Variants in SHROOM3 observed in about 807,000 individuals in gnomAD.
The protein encoded by SHROOM3 is shroom family member 3.
A neutral mutation model predicts 138.6 loss-of-function variants in SHROOM3; 47 were observed. The observed-to-expected ratio is 0.34, with a 90% confidence interval of 0.27 to 0.43. The LOEUF is 0.43. Ranked by LOEUF, SHROOM3 falls within the 20% of genes least tolerant of loss-of-function variation. The pLI, the probability that SHROOM3 is intolerant of heterozygous loss-of-function variation, is 1.00. For synonymous variants in SHROOM3, 1,062 were observed against 1,063.3 expected (o/e 1.00, Z 0.02); for missense variants, 2,491 against 2,596.5 (o/e 0.96, Z 0.88).
chr4:76,528,868 C>T (rs992039455), intron 1 of SHROOM3, among the ~76,000 whole-genome samples: 5 of 152,102 alleles, frequency 3.3e-5, no homozygotes, highest in Non-Finnish European at 7.4e-5. Flanking sequence ...TCTCCCTATT[C>T]TTCCAATCTT....
At chr4:76,472,614 T>A (rs1731397383) in intron 1 of SHROOM3, among the ~76,000 whole-genome samples, 1 of 152,174 alleles carries the variant, frequency 6.6e-6, no homozygotes, top group East Asian at 1.9e-4. Context: ...TGTCTTTAAT[T>A]GTGGTATGTG....
chr4:76,650,733 T>C (rs1735937957), intron 2 of SHROOM3, among the ~76,000 whole-genome samples: 1 of 151,836 alleles, frequency 6.6e-6, no homozygotes, highest in East Asian at 1.9e-4. Flanking sequence ...TTAGTAGAGA[T>C]GGGGTTTCAG....
intron 1 of SHROOM3, among the ~76,000 whole-genome samples, chr4:76,545,281 G>A (rs112000502): frequency 3.3e-5 from 5 of 152,264 alleles, no homozygotes; most frequent in Admixed American, 1.3e-4. Flanking sequence ...GGCACTGAGC[G>A]GAGTTGAGTG....
At chr4:76,531,907 C>CTTT (rs11310701) in intron 1 of SHROOM3, among the ~76,000 whole-genome samples, 14 of 143,732 alleles carry the variant, frequency 9.7e-5, no homozygotes, top group East Asian at 6.1e-4. Flanking sequence ...CCAAGTTGCT[C>CTTT]TTTTTTTTTT....
At chr4:76,724,256 A>G (rs1049097172) in intron 3 of SHROOM3, among the ~76,000 whole-genome samples, 8 of 152,230 alleles carry the variant, frequency 5.3e-5, no homozygotes, top group Admixed American at 4.6e-4. Flanking sequence ...AAATTAAACC[A>G]TCTTCTGACT....
In SHROOM3 at chr4:76,693,370, G is replaced by GTTTTTTTTTTTTTTTTTTT. The variant is rs10648549; in HGVS notation, c.324-16781_324-16763dup. On this transcript the variant is annotated intron_variant, in intron 2 of 10. Coordinates refer to ENST00000296043, the MANE Select transcript of SHROOM3 (RefSeq NM_020859.4). ...TGCATACCTTCATTTTGATAAGTTT[G>GTTTTTTTTTTTTTTTTTTT]TTTTTTTTTTTTTTTTTTTTTTTAA... is the stretch of plus-strand genomic sequence containing the variant. Among the ~76,000 whole-genome samples, 35 of 79,834 alleles carry GTTTTTTTTTTTTTTTTTTT rather than the reference G, an allele frequency of 4.4e-4. 5 individuals are homozygous for GTTTTTTTTTTTTTTTTTTT. Among genetic ancestry groups the GTTTTTTTTTTTTTTTTTTT allele is most frequent in the African/African-American group, 1.6e-3 (32 of 19,566 alleles). The allele number at this position is 79,834 out of a possible 152,430, so 52.4% of individuals were successfully genotyped here.
intron 1 of SHROOM3, among the ~76,000 whole-genome samples, chr4:76,514,406 G>T (rs1732402328): frequency 1.3e-5 from 2 of 151,954 alleles, no homozygotes; most frequent in African/African-American, 2.4e-5. Context: ...GCCACATATT[G>T]CATGATTCCA....
rs552598360 is a variant in SHROOM3 at position 76,462,518 on chromosome 4, C to T, written c.168+26298C>T. ...TGGATTTGTGTCCCCACCCAAATCTCATGTTGAAGTGTAATCCCCAATATT... is the reference window on the plus strand; with the variant it reads ...TGGATTTGTGTCCCCACCCAAATCTTATGTTGAAGTGTAATCCCCAATATT... On this transcript the variant is annotated intron_variant, in intron 1 of 10. Coordinates refer to ENST00000296043, the MANE Select transcript of SHROOM3 (RefSeq NM_020859.4). Among the ~76,000 whole-genome samples, 8 of 152,280 alleles carry T rather than the reference C, an allele frequency of 5.3e-5. No homozygotes were observed. In the South Asian group the frequency reaches 1.7e-3, roughly 32 times the overall value.
intron 2 of SHROOM3, among the ~76,000 whole-genome samples, chr4:76,649,237 G>A (rs1305190180): frequency 1.3e-5 from 2 of 151,966 alleles, no homozygotes; most frequent in African/African-American, 2.4e-5. Context: ...ACCTTTTCCT[G>A]GCCAATTAAA....
At chr4:76,658,704 C>T (rs1038123836) in intron 2 of SHROOM3, among the ~76,000 whole-genome samples, 2 of 151,980 alleles carry the variant, frequency 1.3e-5, no homozygotes, top group Non-Finnish European at 2.9e-5. Context: ...GTGCACATGC[C>T]CGCATGTGTG....
At chr4:76,705,476 G>A (rs1720024420) in intron 2 of SHROOM3, among the ~76,000 whole-genome samples, 1 of 152,178 alleles carries the variant, frequency 6.6e-6, no homozygotes, top group South Asian at 2.1e-4. Context: ...CAGCCTGGGT[G>A]ACAGAGCAAG....
At chr4:76,737,786 C>T (rs1021804252) in intron 4 of SHROOM3, among the ~76,000 whole-genome samples, 2 of 152,084 alleles carry the variant, frequency 1.3e-5, no homozygotes, top group Non-Finnish European at 2.9e-5. Flanking sequence ...GCTTTTTCAC[C>T]ATCTGTATAT....
rs528336340 is a variant in SHROOM3, at chr4:76,734,160, A to G, written c.587+3225A>G. ...TTGGGAGTACAGTGGTGAACAAGGCATAAAAAGCCCCCTGCACCACAATTA... is the reference window on the plus strand; with the variant it reads ...TTGGGAGTACAGTGGTGAACAAGGCGTAAAAAGCCCCCTGCACCACAATTA... On this transcript the variant is annotated intron_variant, in intron 4 of 10. Coordinates refer to ENST00000296043, the MANE Select transcript of SHROOM3 (RefSeq NM_020859.4). Among the ~76,000 whole-genome samples the G allele has an allele frequency of 2.4e-4, 37 of 152,320 alleles. No individual in the cohort carries two copies. In the South Asian group the frequency reaches 7.5e-3, roughly 31 times the overall value.
intron 2 of SHROOM3, among the ~76,000 whole-genome samples, chr4:76,648,047 G>A (rs1735865068): frequency 6.6e-6 from 1 of 152,078 alleles, no homozygotes. Flanking sequence ...AACAATGCTG[G>A]CTATGCACAG....
chr4:76,730,262 T>C (rs1720833641), intron 3 of SHROOM3, among the ~76,000 whole-genome samples: 2 of 152,248 alleles, frequency 1.3e-5, no homozygotes, highest in Admixed American at 1.3e-4. Context: ...ACCATGTAGC[T>C]TAGAGCAGTG....
chr4:76,651,397 CATAAATATATATATATAT>C (rs1174264593), intron 2 of SHROOM3, among the ~76,000 whole-genome samples: 9 of 71,382 alleles, frequency 1.3e-4, no homozygotes, highest in South Asian at 4.4e-4. Context: ...TCATGTAACC[CATAAATATATATATATAT>C]ATATATATAT....
intron 9 of SHROOM3, among the ~76,000 whole-genome samples, chr4:76,764,386 A>G (rs1350211586): frequency 6.6e-6 from 1 of 152,198 alleles, no homozygotes; most frequent in Non-Finnish European, 1.5e-5. Flanking sequence ...GAATATTTCA[A>G]AAGGCAAAAG....
chr4:76,526,282 G>C (rs1732687555), intron 1 of SHROOM3, among the ~76,000 whole-genome samples: 1 of 152,172 alleles, frequency 6.6e-6, no homozygotes, highest in African/African-American at 2.4e-5. Context: ...CAGGAGAATT[G>C]CTTGAACCTG....
At chr4:76,771,001 A>G in intron 10 of SHROOM3, 103 bp downstream of exon 10, 4 of 1,457,446 alleles carry the variant, frequency 2.7e-6, no homozygotes, top group Non-Finnish European at 2.9e-6. Context: ...GATTTGTGGC[A>G]ATCTCTTTGG....
Sources: allele counts gnomAD v4.1 joint callset (sites outside exome capture counted in the v4.1 genomes callset), GRCh38; gene constraint gnomAD v4.1.1; transcripts MANE v1.5; gene names NCBI Gene and HGNC (gene_info 2026-07-23, HGNC 2026-07-21).